PUDP: variants seen among roughly 807,000 people sequenced by gnomAD.
The protein encoded by PUDP is pseudouridine-5'-phosphatase.
In PUDP, 8 loss-of-function variants were observed where a neutral mutation model predicts 9.4. The ratio of observed to expected loss-of-function variants is 0.85; its 90% CI spans 0.50 to 1.53. The LOEUF is 1.53. PUDP is among the 40% of genes most tolerant of loss of function. The probability of loss-of-function intolerance (pLI) is 0.00; values close to 1 mark genes in which losing one functional copy is unlikely to be tolerated. For synonymous variants in PUDP, 99 were observed against 80.7 expected (o/e 1.23, Z -1.22); for missense variants, 188 against 189.7 (o/e 0.99, Z 0.05).
upstream of PUDP, among the ~76,000 whole-genome samples, chrX:6,723,969 A>G (rs1924708082): frequency 1.8e-5 from 2 of 111,652 alleles, no homozygotes; most frequent in Non-Finnish European, 3.8e-5. Context: ...TAAGAAGCTC[A>G]GTTGATTGGG....
At chrX:6,963,791 C>T (rs1040900391) in intron 3 of PUDP, among the ~76,000 whole-genome samples, 2 of 111,936 alleles carry the variant, frequency 1.8e-5, no homozygotes, top group East Asian at 2.8e-4. Flanking sequence ...GCCAATCCTT[C>T]GGATCATATG....
chrX:6,982,884 T>C (rs1002480940), intron 1 of PUDP, among the ~76,000 whole-genome samples: 1 of 112,456 alleles, frequency 8.9e-6, no homozygotes, highest in African/African-American at 3.2e-5. Context: ...TGTCATACTT[T>C]TGCAAAGGCA....
At chrX:6,900,563 A>AAGAGAGAGGGAGAGGGAGAG (rs752801559) in intron 3 of PUDP, among the ~76,000 whole-genome samples, 1 of 105,280 alleles carries the variant, frequency 9.5e-6, no homozygotes, top group Non-Finnish European at 2.0e-5. Flanking sequence ...GAGGGAGAGA[A>AAGAGAGAGGGAGAGGGAGAG]GGAGAGAGGG....
intron 1 of PUDP, among the ~76,000 whole-genome samples, chrX:7,143,270 C>T (rs1932814767): frequency 8.9e-6 from 1 of 111,779 alleles, no homozygotes; most frequent in South Asian, 3.7e-4. Flanking sequence ...CCAAAAACTT[C>T]ATGTGACTAA....
At chrX:6,736,721 G>A (rs188898484) in intron 3 of PUDP, among the ~76,000 whole-genome samples, 81 of 111,469 alleles carry the variant, frequency 7.3e-4, no homozygotes, top group African/African-American at 2.6e-3. Flanking sequence ...TGGAGCTGGA[G>A]GCCATGATCC....
intron 1 of PUDP, among the ~76,000 whole-genome samples, chrX:6,711,972 A>T (rs1025600539): frequency 9.0e-6 from 1 of 111,505 alleles, no homozygotes; most frequent in African/African-American, 3.3e-5. Context: ...GCAGCATTCA[A>T]TGTTTCTTTC....
chrX:6,996,395 G>A lies in PUDP; in HGVS notation c.205-18052C>T, dbSNP rs756662483. Among the ~76,000 whole-genome samples, 41 of 110,546 alleles carry A rather than the reference G, an allele frequency of 3.7e-4. 1 individual carries two copies. The highest frequency in any genetic ancestry group is 1.3e-3 in the African/African-American group (39 of 30,441). ...CTTGTCTGAGAATTTGGGCATGTGT[G>A]GGAATCATTCCAACTTCCAACACAT... On this transcript the variant is annotated intron_variant and NMD_transcript_variant, in intron 1 of 3. Coordinates refer to the PUDP transcript ENST00000655425.
At chrX:6,737,574 C>T (rs943959405) in intron 3 of PUDP, among the ~76,000 whole-genome samples, 1 of 107,138 alleles carries the variant, frequency 9.3e-6, no homozygotes, top group Non-Finnish European at 1.9e-5. Context: ...ATGCCCTAGG[C>T]ACCCAGAGTG....
At chrX:6,873,406 A>G (rs1927204955) in intron 3 of PUDP, among the ~76,000 whole-genome samples, 1 of 112,212 alleles carries the variant, frequency 8.9e-6, no homozygotes, top group Non-Finnish European at 1.9e-5. Context: ...ATTTGCTTCA[A>G]TAAATGGTAA....
chrX:6,895,312 G>C, intron 3 of PUDP, among the ~76,000 whole-genome samples: 1 of 104,341 alleles, frequency 9.6e-6, no homozygotes, highest in Non-Finnish European at 1.9e-5. Flanking sequence ...ACATTTATTG[G>C]ACATAATTAT....
At chrX:6,891,549 T>A (rs150749953) in intron 3 of PUDP, among the ~76,000 whole-genome samples, 5,509 of 112,086 alleles carry the variant, frequency 0.049, 143 homozygotes, top group East Asian at 0.15. Context: ...CCCAACTCCT[T>A]TCTCCTCTCT....
intron 1 of PUDP, among the ~76,000 whole-genome samples, chrX:6,998,659 C>T (rs1304313664): frequency 8.9e-6 from 1 of 112,112 alleles, no homozygotes; most frequent in African/African-American, 3.2e-5. Flanking sequence ...TTAGAATAAT[C>T]GAGAGCACAT....
chrX:6,751,005 G>A (rs1283043740), intron 3 of PUDP, among the ~76,000 whole-genome samples: 3 of 110,044 alleles, frequency 2.7e-5, no homozygotes, highest in Admixed American at 1.9e-4. Context: ...AGCCGGGTGT[G>A]GTGGTGGGCG....
rs752432008 is a variant in PUDP, at chrX:7,065,944, T to C, written c.510+11276A>G. 4.5e-5 allele frequency among the ~76,000 whole-genome samples: 5 copies of C among 112,334 alleles called. No homozygotes were observed. In the East Asian group the frequency reaches 1.4e-3, roughly 31 times the overall value. The stretch of plus-strand genomic sequence containing the variant: ...ATCTGTGGTACTACATTAAATGAGA[T>C]GCTAAACATTTAGCAAGGTTTTAGC... On this transcript the variant is annotated intron_variant, in intron 3 of 3. Coordinates refer to ENST00000381077, the MANE Select transcript of PUDP (RefSeq NM_012080.5).
In PUDP at chrX:6,925,516, C is replaced by T. The variant is rs73455761; in HGVS notation, c.*247+51617G>A. Among the ~76,000 whole-genome samples the T allele has an allele frequency of 9.2e-3, 1,027 of 111,558 alleles. 15 individuals are homozygous for T. The highest frequency in any genetic ancestry group is 0.031 in the African/African-American group (961 of 30,659). On this transcript the variant is annotated intron_variant and NMD_transcript_variant, in intron 3 of 3. Transcript: ENST00000655425. ...AAGGTCCCTGGTGTTAATGGAAAAACCAACTCTGAAAAATATTTTAAAGAA... is the reference window on the plus strand; with the variant it reads ...AAGGTCCCTGGTGTTAATGGAAAAATCAACTCTGAAAAATATTTTAAAGAA...
chrX:6,742,674 C>T (rs1304314981), intron 3 of PUDP, among the ~76,000 whole-genome samples: 1 of 111,841 alleles, frequency 8.9e-6, no homozygotes, highest in East Asian at 2.8e-4. Flanking sequence ...ACTCAGGAGG[C>T]TGAGGTGGGA....
chrX:6,932,729 T>TGACG (rs769144713), intron 3 of PUDP, among the ~76,000 whole-genome samples: 2 of 110,678 alleles, frequency 1.8e-5, no homozygotes, highest in Non-Finnish European at 3.8e-5. Flanking sequence ...AAGAAAGGGG[T>TGACG]GACGGACGCA....
chrX:6,749,470 G>A (rs1352715019), intron 3 of PUDP, among the ~76,000 whole-genome samples: 1 of 111,351 alleles, frequency 9.0e-6, no homozygotes, highest in African/African-American at 3.3e-5. Context: ...GCAATTGTCT[G>A]GATAGGAGAG....
chrX:6,777,231 G>A (rs1340316053), intron 3 of PUDP, among the ~76,000 whole-genome samples: 1 of 111,978 alleles, frequency 8.9e-6, no homozygotes, highest in Non-Finnish European at 1.9e-5. Flanking sequence ...TCAGTCCTCA[G>A]TTTCTGTACC....
Sources: allele counts gnomAD v4.1 joint callset (sites outside exome capture counted in the v4.1 genomes callset), GRCh38; gene constraint gnomAD v4.1.1; transcripts MANE v1.5; gene names NCBI Gene and HGNC (gene_info 2026-07-23, HGNC 2026-07-21).